Variants in COG5 observed in about 807,000 individuals in gnomAD.
The protein encoded by COG5 is component of oligomeric golgi complex 5.
Under a neutral mutation model 110.4 loss-of-function variants are expected in COG5, and 86 were observed. That is an observed-to-expected ratio of 0.78 (90% CI 0.65 to 0.93). The LOEUF is 0.93. Among genes scored for constraint, COG5 ranks in the 40% least tolerant of loss-of-function variants. The probability of loss-of-function intolerance (pLI) is 0.00; values close to 1 mark genes in which losing one functional copy is unlikely to be tolerated. For synonymous variants in COG5, 360 were observed against 334.6 expected (o/e 1.08, Z -0.83); for missense variants, 1,077 against 987.0 (o/e 1.09, Z -1.22).
chr7:107,236,608 T>C lies in COG5; in HGVS notation c.1933A>G (p.Met645Val), dbSNP rs1801210976. 3.7e-6 allele frequency: 6 copies of C among 1,614,088 alleles called. No individual in the cohort carries two copies. Among genetic ancestry groups the C allele is most frequent in the Non-Finnish European group, 5.1e-6 (6 of 1,179,990 alleles). ...KELQGFIARV[M>V]SDYFKHFECL... ...TCAAAGTGTTTAAAATAGTCACTCA[T>C]AACTCTGGCAATGAAACCTTGTAGC... The change falls in exon 18 of 22, where the codon ATG (methionine) becomes GTG (valine). Residue 645 changes from methionine (M) to valine (V), a missense_variant. Transcript: ENST00000297135.
intron 12 of COG5, among the ~76,000 whole-genome samples, chr7:107,296,788 T>C (rs1156448435): frequency 6.6e-6 from 1 of 152,090 alleles, no homozygotes; most frequent in Non-Finnish European, 1.5e-5. Context: ...ACTATATGTA[T>C]TTAGGAATAA....
At chr7:107,368,742 T>C (rs1170513613) in intron 8 of COG5, among the ~76,000 whole-genome samples, 1 of 152,216 alleles carries the variant, frequency 6.6e-6, no homozygotes, top group Non-Finnish European at 1.5e-5. Flanking sequence ...TTCTGTGTTG[T>C]CTACTTTGCT....
chr7:107,294,695 C>A (rs2116885923), intron 12 of COG5, among the ~76,000 whole-genome samples: 1 of 147,586 alleles, frequency 6.8e-6, no homozygotes, highest in South Asian at 2.1e-4. Flanking sequence ...TTCAAACCTC[C>A]TCATCTTAAT....
chr7:107,361,177 T>C (rs1329877221), intron 10 of COG5, among the ~76,000 whole-genome samples: 2 of 152,246 alleles, frequency 1.3e-5, no homozygotes, highest in African/African-American at 4.8e-5. Flanking sequence ...ATCATTATCC[T>C]ATGAATCATT....
At chr7:107,546,431 T>G (rs1204791056) in intron 5 of COG5, among the ~76,000 whole-genome samples, 3 of 132,242 alleles carry the variant, frequency 2.3e-5, no homozygotes, top group East Asian at 2.2e-4. Context: ...TGTTTTGGTT[T>G]TTTGTTTTTT....
At chr7:107,369,721 T>C (rs1434172157) in intron 8 of COG5, among the ~76,000 whole-genome samples, 1 of 152,108 alleles carries the variant, frequency 6.6e-6, no homozygotes, top group Non-Finnish European at 1.5e-5. Context: ...ACATGCCAGA[T>C]TTTCCTTGCA....
intron 6 of COG5, among the ~76,000 whole-genome samples, chr7:107,523,246 T>C (rs190097617): frequency 3.3e-5 from 5 of 152,316 alleles, no homozygotes; most frequent in Admixed American, 2.0e-4. Context: ...GACTTATCCT[T>C]AAGTCTGTCA....
intron 5 of COG5, among the ~76,000 whole-genome samples, chr7:107,530,601 C>CA (rs953588412): frequency 0.27 from 12,723 of 47,144 alleles, 1,726 homozygotes; most frequent in East Asian, 0.3. Context: ...AACTCCATCT[C>CA]AAAAAAAAAA....
At chr7:107,253,615 C>A (rs1183108941) in intron 16 of COG5, among the ~76,000 whole-genome samples, 1 of 152,050 alleles carries the variant, frequency 6.6e-6, no homozygotes, top group Non-Finnish European at 1.5e-5. Context: ...AATGTATACT[C>A]AATATTAATT....
At chr7:107,482,427 T>C (rs1797409251) in intron 6 of COG5, among the ~76,000 whole-genome samples, 1 of 152,146 alleles carries the variant, frequency 6.6e-6, no homozygotes, top group Non-Finnish European at 1.5e-5. Context: ...ATTACAGGTG[T>C]GAGCCACCAA....
Position 107,498,603 on chromosome 7 carries a change from T to C in COG5, c.538+28634A>G, listed in dbSNP as rs370568366. Among the ~76,000 whole-genome samples, 4 of 152,210 alleles carry C rather than the reference T, an allele frequency of 2.6e-5. No individual in the cohort carries two copies. The East Asian group carries it at 5.8e-4, about 22-fold the overall frequency. On this transcript the variant is annotated intron_variant, in intron 6 of 21. Transcript: ENST00000297135. ...CACCTCACATCCGTTAGAATGGTTA[T>C]TATTAAAAAAAACAAACAAGCAAAA...
At chr7:107,467,730 CAG>C (rs1380972399) in intron 6 of COG5, among the ~76,000 whole-genome samples, 5 of 152,116 alleles carry the variant, frequency 3.3e-5, no homozygotes, top group African/African-American at 7.2e-5. Context: ...TTGTTAAAAA[CAG>C]GGGAAGTTGG....
chr7:107,246,110 G>A (rs1291213271), intron 17 of COG5, among the ~76,000 whole-genome samples: 1 of 152,138 alleles, frequency 6.6e-6, no homozygotes, highest in Non-Finnish European at 1.5e-5. Context: ...AGCAAGCAGT[G>A]GGGAAAAGAT....
chr7:107,264,414 A>G (rs76299183), intron 14 of COG5, among the ~76,000 whole-genome samples: 27,568 of 151,834 alleles, frequency 0.18, 2,699 homozygotes, highest in Non-Finnish European at 0.22. Context: ...ACAATGGAGC[A>G]GGCCACGGTG....
chr7:107,291,187 T>C (rs565530765), intron 12 of COG5, among the ~76,000 whole-genome samples: 8 of 152,330 alleles, frequency 5.3e-5, no homozygotes, highest in Admixed American at 3.3e-4. Context: ...TCCTATAACA[T>C]AGATGTTGGT....
chr7:107,243,461 G>A (rs1322726708), intron 17 of COG5, among the ~76,000 whole-genome samples: 4 of 141,954 alleles, frequency 2.8e-5, no homozygotes, highest in East Asian at 2.1e-4. Flanking sequence ...GCAGTGAGCC[G>A]AGATCACGCC....
In COG5 at chr7:107,563,326, G is replaced by A. The variant is rs1584974408; in HGVS notation, c.94+477C>T. Reference sequence around the variant, plus strand: ...AAAAAAAAAACCAGCCTGTAAGAGGGGTCACCTGTACAGTCCATTTGTTAA... The same window carrying A: ...AAAAAAAAAACCAGCCTGTAAGAGGAGTCACCTGTACAGTCCATTTGTTAA... On this transcript the variant is annotated intron_variant, in intron 1 of 21. Transcript: ENST00000297135. 2.0e-5 allele frequency among the ~76,000 whole-genome samples: 3 copies of A among 152,008 alleles called. No individual in the cohort carries two copies. In the South Asian group the frequency reaches 6.2e-4, roughly 32 times the overall value.
At chr7:107,223,656 A>G (rs1800115293) in intron 19 of COG5, among the ~76,000 whole-genome samples, 1 of 152,210 alleles carries the variant, frequency 6.6e-6, no homozygotes, top group Admixed American at 6.5e-5. Flanking sequence ...ATTTTCCTGG[A>G]TGATACACGT....
intron 6 of COG5, among the ~76,000 whole-genome samples, chr7:107,416,979 G>A (rs1792893668): frequency 6.6e-6 from 1 of 152,178 alleles, no homozygotes; most frequent in African/African-American, 2.4e-5. Context: ...GGCCAGTGGA[G>A]CATTGGAATT....
Sources: gnomAD v4.1 joint callset for allele counts (sites outside exome capture counted in the v4.1 genomes callset) on GRCh38, gnomAD v4.1.1 for gene constraint, MANE v1.5 for transcripts, NCBI Gene and HGNC (gene_info 2026-07-23, HGNC 2026-07-21) for gene names.